Variants in COBL observed in about 807,000 individuals in gnomAD.
The protein encoded by COBL is protein cordon-bleu.
COBL carries 51 observed loss-of-function variants against 98.8 expected under a neutral mutation model. The observed-to-expected ratio is 0.52, with a 90% CI of 0.41 to 0.65. The LOEUF is 0.65. COBL is among the 30% of genes least tolerant of loss of function. The pLI is 0.00. For missense variants in COBL, 1,617 were observed against 1,617.5 expected (o/e 1.00, Z 0.01); for synonymous variants, 634 against 651.7 (o/e 0.97, Z 0.41).
At chr7:51,077,008 T>C (rs191894691) in intron 7 of COBL, among the ~76,000 whole-genome samples, 5 of 152,318 alleles carry the variant, frequency 3.3e-5, no homozygotes, top group African/African-American at 1.2e-4. Context: ...CTGCAAATCT[T>C]GTAAATAAAC....
intron 1 of COBL, among the ~76,000 whole-genome samples, chr7:51,314,550 C>T (rs1803350943): frequency 6.6e-6 from 1 of 152,184 alleles, no homozygotes; most frequent in African/African-American, 2.4e-5. Flanking sequence ...GAAGACCTAA[C>T]ACCATTTATC....
At chr7:51,181,655 T>C (rs1344560432) in intron 5 of COBL, among the ~76,000 whole-genome samples, 3 of 152,164 alleles carry the variant, frequency 2.0e-5, no homozygotes, top group Admixed American at 6.6e-5. Flanking sequence ...AGATAAACTA[T>C]CTATATTAAT....
At chr7:51,271,432 G>T in intron 1 of COBL, among the ~76,000 whole-genome samples, 1 of 152,160 alleles carries the variant, frequency 6.6e-6, no homozygotes, top group Non-Finnish European at 1.5e-5. Flanking sequence ...CCAGTTTGGG[G>T]ATATTCTCAC....
chr7:51,313,379 T>C (rs961822113), intron 1 of COBL, among the ~76,000 whole-genome samples: 1 of 152,248 alleles, frequency 6.6e-6, no homozygotes, highest in African/African-American at 2.4e-5. Flanking sequence ...GTAGCTCAAG[T>C]TACCCACTTC....
At chr7:51,051,713 G>A (rs1790254107) in intron 7 of COBL, among the ~76,000 whole-genome samples, 1 of 152,208 alleles carries the variant, frequency 6.6e-6, no homozygotes, top group Non-Finnish European at 1.5e-5. Flanking sequence ...ACAGTCATGG[G>A]TGCGGTGCAT....
At chr7:51,018,905 AATATATATATATATAT>A (rs71018490) in intron 12 of COBL, among the ~76,000 whole-genome samples, 11 of 34,440 alleles carry the variant, frequency 3.2e-4, no homozygotes, top group South Asian at 1.4e-3. Flanking sequence ...AAAAAAAAAA[AATATATATATATATAT>A]ATATATATAT....
chr7:51,167,133 C>T (rs189098291), intron 5 of COBL, among the ~76,000 whole-genome samples: 13 of 152,194 alleles, frequency 8.5e-5, no homozygotes, highest in African/African-American at 3.1e-4. Flanking sequence ...ATATAAAGGG[C>T]ATTCAAATTG....
chr7:51,273,193 G>A (rs1798933689), intron 1 of COBL, among the ~76,000 whole-genome samples: 1 of 152,016 alleles, frequency 6.6e-6, no homozygotes, highest in African/African-American at 2.4e-5. Context: ...GCCGGGCATG[G>A]TGGCACATGC....
intron 7 of COBL, among the ~76,000 whole-genome samples, chr7:51,057,402 T>C (rs1437235934): frequency 6.6e-6 from 1 of 151,978 alleles, no homozygotes; most frequent in Non-Finnish European, 1.5e-5. Flanking sequence ...CTGAAACATA[T>C]CCCCCTGTGA....
At chr7:51,117,043 C>T (rs1363861008) in intron 6 of COBL, among the ~76,000 whole-genome samples, 1 of 151,774 alleles carries the variant, frequency 6.6e-6, no homozygotes, top group Non-Finnish European at 1.5e-5. Context: ...ATTAACTCGT[C>T]ATTTACATTA....
intron 5 of COBL, among the ~76,000 whole-genome samples, chr7:51,168,335 C>G (rs1260070133): frequency 6.6e-6 from 1 of 151,996 alleles, no homozygotes; most frequent in African/African-American, 2.4e-5. Context: ...ACTTGAGAGG[C>G]TGAGGCAGGA....
chr7:51,176,627 A>C (rs549095300), intron 5 of COBL, among the ~76,000 whole-genome samples: 1 of 152,314 alleles, frequency 6.6e-6, no homozygotes, highest in East Asian at 1.9e-4. Context: ...TCTGCTTTGA[A>C]ATGTAAATTT....
chr7:51,140,739 A>C (rs1226134738), intron 5 of COBL, among the ~76,000 whole-genome samples: 1 of 152,162 alleles, frequency 6.6e-6, no homozygotes, highest in African/African-American at 2.4e-5. Flanking sequence ...TGCCCCATAG[A>C]ACCTGATAGG....
At chr7:51,251,949 CAT>C (rs1443595695) in intron 1 of COBL, among the ~76,000 whole-genome samples, 2 of 152,154 alleles carry the variant, frequency 1.3e-5, no homozygotes, top group African/African-American at 2.4e-5. Context: ...TCCTTTAGCA[CAT>C]GTCTCCTAAG....
At chr7:51,099,636 T>C (rs1795637172) in intron 6 of COBL, among the ~76,000 whole-genome samples, 1 of 152,192 alleles carries the variant, frequency 6.6e-6, no homozygotes, top group Non-Finnish European at 1.5e-5. Flanking sequence ...ATTTCAGTTA[T>C]GCAATATGAA....
chr7:51,261,445 A>AT (rs1797708836), intron 1 of COBL, among the ~76,000 whole-genome samples: 1 of 152,214 alleles, frequency 6.6e-6, no homozygotes, highest in Non-Finnish European at 1.5e-5. Flanking sequence ...CTCACAGTAA[A>AT]TATCTGTGCA....
chr7:51,188,047 A>AG (rs1789715988), intron 4 of COBL: 1 of 1,057,176 alleles, frequency 9.5e-7, no homozygotes, highest in Non-Finnish European at 1.2e-6. Context: ...CAAGCCTCAG[A>AG]GGGGGGCTGT....
At chr7:51,147,269 G>A (rs1365152677) in intron 5 of COBL, among the ~76,000 whole-genome samples, 1 of 152,154 alleles carries the variant, frequency 6.6e-6, no homozygotes, top group Non-Finnish European at 1.5e-5. Context: ...CTCACAAAAA[G>A]GTCCCTCAGC....
At chr7:51,112,143 T>C (rs1796884517) in intron 6 of COBL, among the ~76,000 whole-genome samples, 1 of 152,194 alleles carries the variant, frequency 6.6e-6, no homozygotes, top group South Asian at 2.1e-4. Flanking sequence ...AACAATTTAA[T>C]GGTTGCAAAA....
Sources: allele counts gnomAD v4.1 joint callset (sites outside exome capture counted in the v4.1 genomes callset), GRCh38; gene constraint gnomAD v4.1.1; transcripts MANE v1.5; gene names NCBI Gene and HGNC (gene_info 2026-07-23, HGNC 2026-07-21).